NBEA: variants seen among roughly 807,000 people sequenced by gnomAD.
NBEA encodes neurobeachin, also known as lysosomal-trafficking regulator 2.
In NBEA, 44 loss-of-function variants were observed where a neutral mutation model predicts 343.4. That is an observed-to-expected ratio of 0.13 (90% CI 0.10 to 0.16). The LOEUF (loss-of-function observed/expected upper bound fraction) is 0.16, where lower values mean the gene tolerates loss of function less well. Among genes scored for constraint, NBEA ranks in the 10% least tolerant of loss-of-function variants. The pLI is 1.00. For missense variants in NBEA, 2,555 were observed against 3,631.3 expected (o/e 0.70, Z 7.62); for synonymous variants, 1,175 against 1,238.7 (o/e 0.95, Z 1.08).
chr13:34,967,641 ACT>A (rs1312899732), intron 1 of NBEA, among the ~76,000 whole-genome samples: 3 of 152,024 alleles, frequency 2.0e-5, no homozygotes, highest in South Asian at 2.1e-4. Flanking sequence ...GCTGTGAAAG[ACT>A]CTCTAGAACA....
At chr13:35,485,506 A>G (rs1185148039) in intron 41 of NBEA, among the ~76,000 whole-genome samples, 1 of 152,110 alleles carries the variant, frequency 6.6e-6, no homozygotes, top group African/African-American at 2.4e-5. Context: ...AAATTCAAAT[A>G]TGTTCACTAC....
chr13:35,483,948 TAAAAG>T (rs1183274847), intron 41 of NBEA, among the ~76,000 whole-genome samples: 1 of 152,050 alleles, frequency 6.6e-6, no homozygotes, highest in Non-Finnish European at 1.5e-5. Flanking sequence ...ATTCATCTGT[TAAAAG>T]GAAACAACCA....
intron 48 of NBEA, among the ~76,000 whole-genome samples, chr13:35,625,305 A>G (rs554718743): frequency 4.3e-4 from 65 of 152,288 alleles, no homozygotes; most frequent in African/African-American, 1.5e-3. Context: ...TCAAACCAAC[A>G]AGGAACTCTT....
rs116351235 is a variant in NBEA at position 35,635,865 on chromosome 13, C to T, written c.7617+7617C>T. ...ACTTCACTAGGCCATGGTCATCAATCGTCCACTAGAAAAGCATAAATAATG... is the reference window on the plus strand; with the variant it reads ...ACTTCACTAGGCCATGGTCATCAATTGTCCACTAGAAAAGCATAAATAATG... On this transcript the variant is annotated intron_variant, in intron 49 of 58. Transcript: ENST00000379939. 8.6e-3 allele frequency among the ~76,000 whole-genome samples: 1,304 copies of T among 152,300 alleles called. 21 individuals carry two copies. The highest frequency in any genetic ancestry group is 0.029 in the African/African-American group (1,219 of 41,554).
intron 10 of NBEA, among the ~76,000 whole-genome samples, chr13:35,077,001 T>G (rs1291998629): frequency 2.0e-5 from 3 of 152,090 alleles, no homozygotes; most frequent in Non-Finnish European, 4.4e-5. Flanking sequence ...AAACCCAGAA[T>G]ACTTTTAATA....
chr13:35,024,275 A>G (rs528177639), intron 1 of NBEA, among the ~76,000 whole-genome samples: 39 of 152,224 alleles, frequency 2.6e-4, no homozygotes, highest in Admixed American at 2.4e-3. Context: ...TGCCTTTGCT[A>G]TTGTGAATAG....
chr13:35,445,790 ATATATATATATATATATATATATATATG>A (rs1343923710), intron 39 of NBEA, among the ~76,000 whole-genome samples: 8 of 69,908 alleles, frequency 1.1e-4, no homozygotes, highest in South Asian at 3.4e-4. Context: ...GTTTATATAT[ATATATATATATATATATATATATATATG>A]TATATATATA....
rs566458936 is a variant in NBEA at position 35,065,097 on chromosome 13, T to A, written c.1240-4811T>A. ...TATATTATTTCCTTATATTGATGTG[T>A]TTCGGCTGTGTTTTAGCTCTTTCTG... On this transcript the variant is annotated intron_variant, in intron 8 of 58. Transcript: ENST00000379939. 1.8e-4 allele frequency among the ~76,000 whole-genome samples: 28 copies of A among 151,824 alleles called. 1 individual carries two copies. The East Asian group carries it at 5.3e-3, about 28-fold the overall frequency.
intron 38 of NBEA, among the ~76,000 whole-genome samples, chr13:35,427,569 A>G (rs946191542): frequency 6.6e-6 from 1 of 151,952 alleles, no homozygotes; most frequent in African/African-American, 2.4e-5. Context: ...CAGTTAGGCT[A>G]CTCGGGGGTC....
At chr13:35,350,502 T>C (rs1179022677) in intron 37 of NBEA, among the ~76,000 whole-genome samples, 2 of 152,088 alleles carry the variant, frequency 1.3e-5, no homozygotes, top group Admixed American at 1.3e-4. Flanking sequence ...CACACCAATT[T>C]TTCACTCTTA....
At chr13:35,441,829 G>T in intron 39 of NBEA, among the ~76,000 whole-genome samples, 1 of 130,036 alleles carries the variant, frequency 7.7e-6, no homozygotes, top group African/African-American at 3.1e-5. Context: ...AATGCTAGAT[G>T]TGAAAAAAAA....
intron 17 of NBEA, among the ~76,000 whole-genome samples, chr13:35,124,519 C>CACAT (rs555648501): frequency 2.7e-5 from 4 of 148,446 alleles, no homozygotes; most frequent in African/African-American, 9.9e-5. Context: ...CACACACACA[C>CACAT]GGATATATAT....
At chr13:35,546,857 A>AT (rs1232025825) in intron 41 of NBEA, among the ~76,000 whole-genome samples, 1 of 152,096 alleles carries the variant, frequency 6.6e-6, no homozygotes, top group Non-Finnish European at 1.5e-5. Context: ...CCGGCCTAAA[A>AT]TTTTTTTAAA....
In NBEA at chr13:35,501,840, G is replaced by A. The variant is rs142498460; in HGVS notation, c.6585+29304G>A. Among the ~76,000 whole-genome samples, 384 of 152,124 alleles carry A rather than the reference G, an allele frequency of 2.5e-3. 1 individual carries two copies. Among genetic ancestry groups the A allele is most frequent in the African/African-American group, 8.6e-3 (355 of 41,510 alleles). ...GCAAAGCCTCCAATATGACGGGGGC[G>A]GGGAACCCCTATTAATCCTTTTAAA... On this transcript the variant is annotated intron_variant, in intron 41 of 58. Transcript: ENST00000379939.
chr13:35,631,125 A>G (rs1032204760), intron 49 of NBEA, among the ~76,000 whole-genome samples: 4 of 152,178 alleles, frequency 2.6e-5, no homozygotes, highest in Admixed American at 2.6e-4. Flanking sequence ...GAGTCATTCA[A>G]TCTCACTTTA....
chr13:34,972,170 G>C (rs1024097530), intron 1 of NBEA, among the ~76,000 whole-genome samples: 1 of 152,008 alleles, frequency 6.6e-6, no homozygotes, highest in African/African-American at 2.4e-5. Context: ...TTGTGTTTCT[G>C]TGGAGTATTC....
At chr13:35,055,929 G>T in intron 6 of NBEA, 81 bp from the exon 7 acceptor site, 2 of 1,137,360 alleles carry the variant, frequency 1.8e-6, no homozygotes, top group Non-Finnish European at 1.2e-6. Flanking sequence ...ATTCTTGTAG[G>T]GTTTTATGAA....
chr13:35,601,677 G>A (rs1593336094), intron 47 of NBEA, among the ~76,000 whole-genome samples: 2 of 145,580 alleles, frequency 1.4e-5, no homozygotes, highest in Non-Finnish European at 1.5e-5. Flanking sequence ...CAGAAGAATC[G>A]CTTGAACCTG....
chr13:35,625,524 C>T (rs1011062501), intron 48 of NBEA, among the ~76,000 whole-genome samples: 4 of 152,012 alleles, frequency 2.6e-5, no homozygotes, highest in African/African-American at 4.8e-5. Flanking sequence ...ACTCGGGAGG[C>T]TGAGATGGAA....
Sources: gnomAD v4.1 joint callset for allele counts (sites outside exome capture counted in the v4.1 genomes callset) on GRCh38, gnomAD v4.1.1 for gene constraint, MANE v1.5 for transcripts, NCBI Gene and HGNC (gene_info 2026-07-23, HGNC 2026-07-21) for gene names.